The following SLC35H1 variants were observed in gnomAD, a reference collection of about 807,000 sequenced individuals.
The protein encoded by SLC35H1 is ovarian cancer-overexpressed gene 1 protein.
At chr20:46,357,862 G>T in the SLC35H1 span, 1 of 1,471,280 alleles carries the variant, frequency 6.8e-7, no homozygotes, top group Non-Finnish European at 9.3e-7. Flanking sequence ...CTCTGCTGGA[G>T]TGGGGCTCAT....
At chr20:46,354,147 C>A in the SLC35H1 span, among the ~76,000 whole-genome samples, 13 of 152,172 alleles carry the variant, frequency 8.5e-5, no homozygotes, top group Non-Finnish European at 1.6e-4. Context: ...AGTGGAGGAA[C>A]AACTGACCAT....
At chr20:46,357,870 C>T in the SLC35H1 span, 1 of 1,377,234 alleles carries the variant, frequency 7.3e-7, no homozygotes, top group Non-Finnish European at 1.0e-6. Context: ...GAGTGGGGCT[C>T]ATTCGGTGGT....
At chr20:46,357,837 T>A in the SLC35H1 span, 1 of 1,580,588 alleles carries the variant, frequency 6.3e-7, no homozygotes, top group Non-Finnish European at 8.6e-7. Context: ...ACCGGCTCCC[T>A]CTTCCTCTTC....
the SLC35H1 span, chr20:46,354,786 C>T: frequency 8.8e-7 from 1 of 1,131,892 alleles, no homozygotes; most frequent in Non-Finnish European, 1.3e-6. Context: ...CATCTTTGAT[C>T]TCAATAATCT....
chr20:46,359,610 C>T, the SLC35H1 span, among the ~76,000 whole-genome samples: 2 of 152,176 alleles, frequency 1.3e-5, no homozygotes, highest in Non-Finnish European at 2.9e-5. Flanking sequence ...GCCTGCCTTA[C>T]GGTATTGCCA....
the SLC35H1 span, chr20:46,352,632 A>C: frequency 6.4e-6 from 1 of 155,842 alleles, no homozygotes; most frequent in Non-Finnish European, 1.3e-5. Flanking sequence ...ATGGGATCCT[A>C]GCGGGATGAC....
the SLC35H1 span, among the ~76,000 whole-genome samples, chr20:46,354,305 C>T: frequency 6.6e-6 from 1 of 152,266 alleles, no homozygotes; most frequent in East Asian, 1.9e-4. Flanking sequence ...TTCCTACTTC[C>T]GAGATGCCTT....
chr20:46,355,496 T>C, the SLC35H1 span: 1 of 618,252 alleles, frequency 1.6e-6, no homozygotes, highest in Middle Eastern at 4.4e-4. This position sits in a 1 kb window ranked among gnomAD's most constrained non-coding sequence, Gnocchi z 4.8. Context: ...CCCCAAGTGG[T>C]CCCACCTCCT....
chr20:46,356,561 G>A, the SLC35H1 span: 1 of 1,613,900 alleles, frequency 6.2e-7, no homozygotes, highest in Non-Finnish European at 8.5e-7. Context: ...AGCAGGGCAT[G>A]GCCAGTACTC....
At chr20:46,350,954 G>A in the SLC35H1 span, 3 of 1,597,714 alleles carry the variant, frequency 1.9e-6, no homozygotes, top group East Asian at 2.2e-5. Context: ...GACCAGGAGG[G>A]TGGAAGGTGG....
the SLC35H1 span, chr20:46,358,759 G>T: frequency 3.3e-6 from 5 of 1,528,540 alleles, no homozygotes; most frequent in Non-Finnish European, 3.5e-6. Context: ...AGGTCCCAAG[G>T]TCTGCTGCTG....
At chr20:46,346,736 A>T in the SLC35H1 span, 1 of 152,246 alleles carries the variant, frequency 6.6e-6, no homozygotes, top group African/African-American at 2.4e-5. Flanking sequence ...CATACAAAAA[A>T]TTAGCCAGGC....
the SLC35H1 span, chr20:46,354,792 A>C: frequency 4.2e-6 from 5 of 1,196,350 alleles, no homozygotes; most frequent in Non-Finnish European, 6.0e-6. Flanking sequence ...TGATCTCAAT[A>C]ATCTCTGCAG....
At chr20:46,350,915 G>A in the SLC35H1 span, 4 of 1,612,746 alleles carry the variant, frequency 2.5e-6, no homozygotes, top group East Asian at 8.9e-5. Flanking sequence ...GCAGGAGGGA[G>A]CATGATCAAC....
At chr20:46,352,058 A>G in the SLC35H1 span, 2 of 1,614,144 alleles carry the variant, frequency 1.2e-6, no homozygotes, top group Non-Finnish European at 1.7e-6. Flanking sequence ...TACCTTAAAA[A>G]TGCCGGCAAT....
At chr20:46,347,613 G>A in the SLC35H1 span, 2 of 152,216 alleles carry the variant, frequency 1.3e-5, no homozygotes, top group East Asian at 3.8e-4. Flanking sequence ...GTACCATGAG[G>A]AGAATTCTCT....
chr20:46,350,397 C>T, the SLC35H1 span: 2 of 1,609,738 alleles, frequency 1.2e-6, no homozygotes, highest in Admixed American at 3.4e-5. Flanking sequence ...TGGCTGGTCA[C>T]TGCTGCCCCT....
At chr20:46,352,351 A>T in the SLC35H1 span, 1 of 824,012 alleles carries the variant, frequency 1.2e-6, no homozygotes, top group African/African-American at 1.7e-5. Context: ...AACTGTCTGC[A>T]GCCCAGAGAA....
chr20:46,350,450 G>C, the SLC35H1 span: 2 of 1,613,388 alleles, frequency 1.2e-6, no homozygotes, highest in Non-Finnish European at 1.7e-6. Context: ...CCTTCCTCCC[G>C]CTGGCTGCTC....
Sources: allele counts gnomAD v4.1 joint callset (sites outside exome capture counted in the v4.1 genomes callset), GRCh38; gene constraint gnomAD v4.1.1; non-coding constraint Gnocchi (gnomAD v3.1); transcripts MANE v1.5; gene names NCBI Gene and HGNC (gene_info 2026-07-23, HGNC 2026-07-21).